Variants in ANK3 observed in about 807,000 individuals in gnomAD.
ANK3 encodes the protein ankyrin-3.
Under a neutral mutation model 370.9 loss-of-function variants are expected in ANK3, and 57 were observed. The observed-to-expected ratio is 0.15, with a 90% CI of 0.12 to 0.19. ANK3 has a LOEUF of 0.19. Ranked by LOEUF, ANK3 falls within the 10% of genes least tolerant of loss-of-function variation. The probability of loss-of-function intolerance (pLI) is 1.00; values close to 1 mark genes in which losing one functional copy is unlikely to be tolerated. For missense variants in ANK3, 4,439 were observed against 5,302.1 expected, an observed-to-expected ratio of 0.84 and a Z score of 5.06; for synonymous variants, 1,929 against 1,946.3, an observed-to-expected ratio of 0.99 and a Z score of 0.23.
At chr10:60,152,174 TA>T (rs2095156759) in intron 23 of ANK3, among the ~76,000 whole-genome samples, 1 of 152,240 alleles carries the variant, frequency 6.6e-6, no homozygotes, top group African/African-American at 2.4e-5. Context: ...ACTCTGATCC[TA>T]TGGCACTGAC....
At chr10:60,233,048 CT>C (rs1461891133) in intron 8 of ANK3, among the ~76,000 whole-genome samples, 1 of 152,162 alleles carries the variant, frequency 6.6e-6, no homozygotes, top group African/African-American at 2.4e-5. Flanking sequence ...GTGAGACCAT[CT>C]TTTGATTAGA....
chr10:60,384,028 A>T (rs1387813284), intron 1 of ANK3, among the ~76,000 whole-genome samples: 1 of 152,220 alleles, frequency 6.6e-6, no homozygotes, highest in African/African-American at 2.4e-5. Context: ...CTTTGACCCA[A>T]GTTCAAGCCT....
chr10:60,088,172 G>C lies in ANK3; in HGVS notation c.3515C>G (p.Thr1172Ser). The C allele has an allele frequency of 6.2e-7, 1 of 1,614,114 alleles. No individual in the cohort carries two copies. The highest frequency in any genetic ancestry group is 8.5e-7 in the Non-Finnish European group (1 of 1,179,978). The part of the protein sequence containing the change: ...VQASFPEGAL[T>S]KRIRVGLQAQ... Reference sequence around the variant, plus strand: ...CTGGAGGCCCACTCGAATTCTTTTAGTTAGGGCACCCTCTGGGAAAGATGC... The same window carrying C: ...CTGGAGGCCCACTCGAATTCTTTTACTTAGGGCACCCTCTGGGAAAGATGC... The change falls in exon 29 of 44, where the codon ACT becomes AGT. Residue 1172 changes from threonine (T) to serine (S), a missense_variant. Thr to Ser is a moderately conservative substitution (Grantham distance 58). Around this residue, in one of 13 missense-constraint regions of ANK3, gnomAD observed 702 missense variants for 941.5 expected, o/e 0.75. Transcript: ENST00000280772.
At chr10:60,625,970 C>A (rs2078404521) in intron 1 of ANK3, among the ~76,000 whole-genome samples, 2 of 152,088 alleles carry the variant, frequency 1.3e-5, no homozygotes, top group Non-Finnish European at 1.5e-5. Context: ...TTTATATGAG[C>A]ACTTGTTCCA....
chr10:60,566,740 G>A (rs1293169105), intron 2 of ANK3, among the ~76,000 whole-genome samples: 1 of 152,138 alleles, frequency 6.6e-6, no homozygotes, highest in African/African-American at 2.4e-5. Flanking sequence ...GCCAGTTGTG[G>A]TGGAGCACAC....
In ANK3 at chr10:60,031,750, C is replaced by A. The variant is rs147896804; in HGVS notation, c.*20-1924G>T. Among the ~76,000 whole-genome samples the A allele has an allele frequency of 5.4e-3, 819 of 152,280 alleles. 7 individuals carry two copies. Among genetic ancestry groups the A allele is most frequent in the African/African-American group, 0.018 (765 of 41,558 alleles). On this transcript the variant is annotated intron_variant, in intron 43 of 43. Transcript: ENST00000280772. ...CTTTAGATGGGTCACCTAGGACAGC[C>A]TGGCTTATGGAAACATGTTGGTAGA...
intron 2 of ANK3, among the ~76,000 whole-genome samples, chr10:60,579,121 T>C (rs1304565144): frequency 6.6e-6 from 1 of 151,758 alleles, no homozygotes; most frequent in Non-Finnish European, 1.5e-5. Context: ...AGTCAAGAGA[T>C]CGAGACCATC....
intron 2 of ANK3, among the ~76,000 whole-genome samples, chr10:60,552,717 G>A (rs1567139910): frequency 6.6e-6 from 1 of 152,164 alleles, no homozygotes; most frequent in East Asian, 1.9e-4. Flanking sequence ...AGGTGTTCCT[G>A]CTTCCTTCAC....
At chr10:60,586,002 C>T (rs569003733) in intron 2 of ANK3, among the ~76,000 whole-genome samples, 1 of 151,066 alleles carries the variant, frequency 6.6e-6, no homozygotes, top group East Asian at 2.0e-4. Flanking sequence ...CCAGCCTGGG[C>T]GACAAGAGTA....
chr10:60,306,777 T>C (rs1486324769), intron 1 of ANK3, among the ~76,000 whole-genome samples: 2 of 152,208 alleles, frequency 1.3e-5, no homozygotes, highest in African/African-American at 4.8e-5. Context: ...TGTGAGTTGA[T>C]ATTGCTGTGT....
At position 60,603,091 on chromosome 10, in the gene ANK3, A is replaced by G. The variant is rs954535552; in HGVS notation, c.96+12095T>C. Among the ~76,000 whole-genome samples, 3 of 152,140 alleles carry G rather than the reference A, an allele frequency of 2.0e-5. No individual in the cohort carries two copies. In the East Asian group the frequency reaches 5.8e-4, roughly 29 times the overall value. On this transcript the variant is annotated intron_variant, in intron 2 of 43. Transcript: ENST00000373827. Reference sequence around the variant, plus strand: ...CTACTCAGCAAATGCTTGTGTCTTGAAGAAGTGAAAGAAATCAGCATTCCC... The same window carrying G: ...CTACTCAGCAAATGCTTGTGTCTTGGAGAAGTGAAAGAAATCAGCATTCCC...
chr10:60,183,176 G>A (rs552860403), intron 17 of ANK3, among the ~76,000 whole-genome samples: 4 of 152,198 alleles, frequency 2.6e-5, no homozygotes, highest in South Asian at 4.2e-4. Flanking sequence ...TTCAATAAAG[G>A]GCCAAGTTAT....
rs1468557038 is a variant in ANK3, at chr10:60,074,764, A to T, written c.6117T>A (p.Asn2039Lys). 1.2e-6 allele frequency: 2 copies of T among 1,614,010 alleles called. No individual in the cohort carries two copies. Among genetic ancestry groups the T allele is most frequent in the South Asian group, 2.2e-5 (2 of 91,028 alleles). ...NLTKVIDYLT[N>K]DIGSSSLTNL... is the part of the protein sequence containing the mutation. The stretch of plus-strand genomic sequence containing the variant: ...TTGTCAGTGAACTACTCCCAATATC[A>T]TTTGTTAGGTAATCAATAACTTTGG... The change falls in exon 37 of 44, where the codon AAT (asparagine) becomes AAA (lysine). Residue 2039 changes from asparagine (N) to lysine (K), a missense_variant. Physicochemically the swap from Asn to Lys is moderately conservative, Grantham distance 94. Around this residue, in one of 13 missense-constraint regions of ANK3, gnomAD observed 679 missense variants for 791.0 expected, o/e 0.86. Transcript: ENST00000280772.
intron 2 of ANK3, among the ~76,000 whole-genome samples, chr10:60,482,514 G>A (rs2075249660): frequency 6.6e-6 from 1 of 151,954 alleles, no homozygotes; most frequent in South Asian, 2.1e-4. Flanking sequence ...TTAAGACAGA[G>A]TCTCACTCTG....
At chr10:60,040,627 C>G (rs936561288) in intron 43 of ANK3, among the ~76,000 whole-genome samples, 3 of 152,072 alleles carry the variant, frequency 2.0e-5, no homozygotes, top group Non-Finnish European at 4.4e-5. Flanking sequence ...TTAAAACTTT[C>G]TTTATATTTA....
At chr10:60,177,836 G>A (rs1246217875) in intron 18 of ANK3, among the ~76,000 whole-genome samples, 2 of 151,982 alleles carry the variant, frequency 1.3e-5, no homozygotes, top group African/African-American at 2.4e-5. Flanking sequence ...TCTTGACCTC[G>A]TGATCTGGCC....
At chr10:60,461,788 C>T (rs955353195) in intron 2 of ANK3, among the ~76,000 whole-genome samples, 9 of 152,150 alleles carry the variant, frequency 5.9e-5, no homozygotes, top group African/African-American at 2.2e-4. Flanking sequence ...AATATAAATT[C>T]ACACATTTCA....
chr10:60,432,340 G>A (rs988603920), intron 2 of ANK3, among the ~76,000 whole-genome samples: 17 of 152,134 alleles, frequency 1.1e-4, no homozygotes, highest in African/African-American at 4.1e-4. Context: ...TCGTCTCTAA[G>A]GTATGTTGTA....
In ANK3 at chr10:60,689,932, C is replaced by T. The variant is rs538716281; in HGVS notation, c.57+43331G>A. Among the ~76,000 whole-genome samples, 14 of 152,122 alleles carry T rather than the reference C, an allele frequency of 9.2e-5. No homozygotes were observed. In the East Asian group the frequency reaches 2.7e-3, roughly 29 times the overall value. The stretch of plus-strand genomic sequence containing the variant: ...GAAACATATTAAATACAAAACAATA[C>T]TCCACATTCTTTATGGATGCAAACA... On this transcript the variant is annotated intron_variant, in intron 1 of 43. Coordinates refer to the ANK3 transcript ENST00000373827.
Sources: gnomAD v4.1 joint callset for allele counts (sites outside exome capture counted in the v4.1 genomes callset) on GRCh38, gnomAD v4.1.1 for gene constraint, gnomAD v4.1.1 regional missense constraint, MANE v1.5 for transcripts, NCBI Gene and HGNC (gene_info 2026-07-23, HGNC 2026-07-21) for gene names.